The following ZDHHC15 variants were observed in gnomAD, a reference collection of about 807,000 sequenced individuals.
ZDHHC15 encodes palmitoyltransferase ZDHHC15.
ZDHHC15 carries 19 observed loss-of-function variants against 31.7 expected under a neutral mutation model. The observed-to-expected ratio is 0.60, with a 90% CI of 0.42 to 0.88. ZDHHC15 has a LOEUF of 0.88. Among genes scored for constraint, ZDHHC15 ranks in the 40% least tolerant of loss-of-function variants. The pLI is 0.00. For synonymous variants in ZDHHC15, 103 were observed against 90.0 expected, an observed-to-expected ratio of 1.14 and a Z score of -0.82; for missense variants, 209 against 251.2, an observed-to-expected ratio of 0.83 and a Z score of 1.14.
In ZDHHC15 at chrX:75,396,350, T is replaced by C. The variant is rs189924660; in HGVS notation, c.968-17152A>G. Among the ~76,000 whole-genome samples, 7 of 112,087 alleles carry C rather than the reference T, an allele frequency of 6.2e-5. No homozygotes were observed. The East Asian group carries it at 2.0e-3, about 32-fold the overall frequency. On this transcript the variant is annotated intron_variant, in intron 10 of 11. Coordinates refer to ENST00000373367, the MANE Select transcript of ZDHHC15 (RefSeq NM_144969.3). Reference sequence around the variant, plus strand: ...ATGGGCAAAAGATGTGAATAGACATTTCTGAAATGAAGACATGCAAATGGC... The same window carrying C: ...ATGGGCAAAAGATGTGAATAGACATCTCTGAAATGAAGACATGCAAATGGC...
chrX:75,469,913 C>A (rs1034516368), intron 3 of ZDHHC15, among the ~76,000 whole-genome samples: 1 of 111,663 alleles, frequency 9.0e-6, no homozygotes, highest in Non-Finnish European at 1.9e-5. Context: ...TTATAGTAAG[C>A]CTTTTAAAAA....
At chrX:75,493,484 G>T (rs777471182) in intron 2 of ZDHHC15, among the ~76,000 whole-genome samples, 1 of 111,435 alleles carries the variant, frequency 9.0e-6, no homozygotes, top group African/African-American at 3.3e-5. Flanking sequence ...AACAAAAAAG[G>T]AGAATTTTAG....
At chrX:75,405,924 T>C (rs767639097) in intron 10 of ZDHHC15, among the ~76,000 whole-genome samples, 1 of 112,350 alleles carries the variant, frequency 8.9e-6, no homozygotes, top group South Asian at 3.7e-4. Context: ...GCCACAAAAC[T>C]AGCATCACCA....
chrX:75,403,360 G>A (rs1024785488), intron 10 of ZDHHC15, among the ~76,000 whole-genome samples: 1 of 111,834 alleles, frequency 8.9e-6, no homozygotes, highest in Non-Finnish European at 1.9e-5. Flanking sequence ...ATTCAACGTA[G>A]TATGGGAAGT....
chrX:75,467,615 G>T (rs1234443890), intron 3 of ZDHHC15, among the ~76,000 whole-genome samples: 3 of 112,178 alleles, frequency 2.7e-5, no homozygotes, highest in African/African-American at 9.7e-5. Flanking sequence ...TTAAGTGTTA[G>T]ATATTTGTAG....
chrX:75,424,686 A>G lies in ZDHHC15; in HGVS notation c.702T>C (p.His234=), dbSNP rs200759801. 6 of 1,204,702 alleles carry G rather than the reference A, an allele frequency of 5.0e-6. No individual in the cohort carries two copies. The African/African-American group carries it at 5.3e-5, about 11-fold the overall frequency. ...TTTTGTTTCTGCTGACAAGCCAACA[A>G]TGGTAACCAAAGAGAATCACAAGGC... ...FVSLVILFGY[H]CWLVSRNKTT... Residue 234 remains histidine (H), a synonymous_variant, in exon 8 of 12, where the codon CAT becomes CAC. Transcript: ENST00000373367.
intron 3 of ZDHHC15, among the ~76,000 whole-genome samples, chrX:75,452,386 A>G (rs1397328139): frequency 9.0e-6 from 1 of 111,348 alleles, no homozygotes; most frequent in Admixed American, 9.6e-5. Context: ...CCAGATTCAT[A>G]AAACAAGTCC....
At position 75,513,538 on chromosome X, in the gene ZDHHC15, C is replaced by G. The variant is rs950474419; in HGVS notation, c.137-7691G>C. Reference sequence around the variant, plus strand: ...GTGGCTGCCTACCATCCTCCACATCCCAGATCAGTAGAGGCTGTGAGGACA... The same window carrying G: ...GTGGCTGCCTACCATCCTCCACATCGCAGATCAGTAGAGGCTGTGAGGACA... On this transcript the variant is annotated intron_variant, in intron 1 of 11. Transcript: ENST00000373367. Among the ~76,000 whole-genome samples the G allele has an allele frequency of 3.3e-4, 37 of 111,341 alleles. 1 individual carries two copies. The Admixed American group carries it at 3.6e-3, about 11-fold the overall frequency.
chrX:75,501,424 T>C (rs897118923), intron 2 of ZDHHC15: 3 of 111,608 alleles, frequency 2.7e-5, no homozygotes, highest in Non-Finnish European at 5.7e-5. Flanking sequence ...CTTGCTTGCA[T>C]GTGTCTTTAT....
chrX:75,497,360 G>T (rs1012172884), intron 2 of ZDHHC15, among the ~76,000 whole-genome samples: 1 of 111,293 alleles, frequency 9.0e-6, no homozygotes, highest in African/African-American at 3.3e-5. Flanking sequence ...CTAACAAAAA[G>T]AAATCCAGGA....
Position 75,427,118 on chromosome X carries a change from G to A in ZDHHC15, c.603+1960C>T, listed in dbSNP as rs560817359. Among the ~76,000 whole-genome samples the A allele has an allele frequency of 1.9e-4, 21 of 111,715 alleles. No homozygotes were observed. The South Asian group carries it at 6.7e-3, about 36-fold the overall frequency. On this transcript the variant is annotated intron_variant, in intron 7 of 11. Transcript: ENST00000373367. ...CAGTGTTTACTTTTTATTTTAAGGG[G>A]ATATTCAATTTAAACAGAGAAAGCC...
intron 3 of ZDHHC15, among the ~76,000 whole-genome samples, chrX:75,463,418 A>G (rs1227389981): frequency 1.8e-5 from 2 of 111,383 alleles, no homozygotes. Context: ...GGCTAACTTC[A>G]TCTTGATACC....
At chrX:75,412,131 T>C (rs1381978723) in intron 10 of ZDHHC15, among the ~76,000 whole-genome samples, 2 of 111,520 alleles carry the variant, frequency 1.8e-5, no homozygotes, top group African/African-American at 6.5e-5. Flanking sequence ...ATAACTAACG[T>C]TGGTGAGGAT....
intron 2 of ZDHHC15, among the ~76,000 whole-genome samples, chrX:75,490,070 C>T (rs1162807872): frequency 2.7e-5 from 3 of 111,480 alleles, no homozygotes; most frequent in Middle Eastern, 4.6e-3. Context: ...AACAAAGCCT[C>T]CAAGAAATAT....
chrX:75,406,088 G>A (rs774803350), intron 10 of ZDHHC15, among the ~76,000 whole-genome samples: 20 of 111,620 alleles, frequency 1.8e-4, no homozygotes, highest in Admixed American at 7.6e-4. Flanking sequence ...AAATTAAAAA[G>A]CATGCTCCTG....
chrX:75,479,587 G>A (rs2084657711), intron 2 of ZDHHC15, among the ~76,000 whole-genome samples: 1 of 111,410 alleles, frequency 9.0e-6, no homozygotes, highest in Non-Finnish European at 1.9e-5. Flanking sequence ...TGTAGTCAGG[G>A]CTTTCAAGAG....
At chrX:75,446,130 G>A (rs2084030896) in intron 4 of ZDHHC15, among the ~76,000 whole-genome samples, 1 of 112,059 alleles carries the variant, frequency 8.9e-6, no homozygotes, top group African/African-American at 3.2e-5. Context: ...GGGAACATAG[G>A]TGGAAACAAA....
intron 11 of ZDHHC15, among the ~76,000 whole-genome samples, chrX:75,375,670 C>T (rs913397806): frequency 9.0e-6 from 1 of 111,553 alleles, no homozygotes; most frequent in Non-Finnish European, 1.9e-5. Context: ...ATTTGGTTTC[C>T]TGTTTCTGTG....
At chrX:75,395,056 A>T (rs2083285166) in intron 10 of ZDHHC15, among the ~76,000 whole-genome samples, 1 of 111,672 alleles carries the variant, frequency 9.0e-6, no homozygotes, top group Non-Finnish European at 1.9e-5. Context: ...CAATAACAAG[A>T]GGAAGTTTGG....
Sources: gnomAD v4.1 joint callset for allele counts (sites outside exome capture counted in the v4.1 genomes callset) on GRCh38, gnomAD v4.1.1 for gene constraint, MANE v1.5 for transcripts, NCBI Gene and HGNC (gene_info 2026-07-23, HGNC 2026-07-21) for gene names.